Variants in LRP1B observed in about 807,000 individuals in gnomAD.
LRP1B encodes the protein low-density lipoprotein receptor-related protein 1B.
LRP1B carries 217 observed loss-of-function variants against 556.6 expected under a neutral mutation model. The observed-to-expected ratio is 0.39, with a 90% CI of 0.35 to 0.44. LRP1B has a LOEUF of 0.44. Ranked by LOEUF, LRP1B falls within the 20% of genes least tolerant of loss-of-function variation. The pLI, the probability that LRP1B is intolerant of heterozygous loss-of-function variation, is 1.00. For missense variants in LRP1B, 5,053 were observed against 5,620.8 expected (o/e 0.90, Z 3.23); for synonymous variants, 2,047 against 1,865.8 (o/e 1.10, Z -2.50).
At chr2:140,952,750 CAAA>C (rs1695756343) in intron 18 of LRP1B, among the ~76,000 whole-genome samples, 1 of 151,694 alleles carries the variant, frequency 6.6e-6, no homozygotes, top group African/African-American at 2.4e-5. Flanking sequence ...GGTGAATAGC[CAAA>C]AAAGAGGGGT....
intron 1 of LRP1B, among the ~76,000 whole-genome samples, chr2:142,036,724 A>T (rs1430471489): frequency 6.6e-6 from 1 of 151,714 alleles, no homozygotes; most frequent in African/African-American, 2.4e-5. Context: ...TAGAGCTTCT[A>T]AATCTTCACA....
chr2:140,703,925 T>C lies in LRP1B; in HGVS notation c.6024-1372A>G, dbSNP rs1042906435. On this transcript the variant is annotated intron_variant, in intron 37 of 90. Coordinates refer to ENST00000389484, the MANE Select transcript of LRP1B (RefSeq NM_018557.3). ...TACTATTGACGGGCACCTAGGTTTATGTTACGTTTTTGCAATTGTGAAAAG... is the reference window on the plus strand; with the variant it reads ...TACTATTGACGGGCACCTAGGTTTACGTTACGTTTTTGCAATTGTGAAAAG... Among the ~76,000 whole-genome samples, 10 of 152,316 alleles carry C rather than the reference T, an allele frequency of 6.6e-5. No homozygotes were observed. In the East Asian group the frequency reaches 1.9e-3, roughly 29 times the overall value.
intron 43 of LRP1B, among the ~76,000 whole-genome samples, chr2:140,562,422 A>G (rs542830203): frequency 1.3e-5 from 2 of 152,244 alleles, no homozygotes; most frequent in African/African-American, 4.8e-5. Flanking sequence ...TACAGATACA[A>G]TGTCTTACTG....
intron 41 of LRP1B, among the ~76,000 whole-genome samples, chr2:140,646,940 A>G (rs1190177170): frequency 1.3e-5 from 2 of 152,076 alleles, no homozygotes; most frequent in Non-Finnish European, 2.9e-5. Context: ...ATATAAACAT[A>G]TAGATTGAAA....
intron 4 of LRP1B, among the ~76,000 whole-genome samples, chr2:141,248,479 G>A (rs750835516): frequency 4.6e-5 from 7 of 152,152 alleles, no homozygotes; most frequent in African/African-American, 1.2e-4. Context: ...AGTGTGAAGC[G>A]TGATCTGGCT....
intron 35 of LRP1B, among the ~76,000 whole-genome samples, chr2:140,761,162 C>A (rs1056438955): frequency 2.0e-5 from 3 of 152,108 alleles, no homozygotes; most frequent in Admixed American, 6.5e-5. Flanking sequence ...TAACTGGAGG[C>A]AAAATGAGGA....
At chr2:141,273,977 A>G (rs1685186760) in intron 3 of LRP1B, among the ~76,000 whole-genome samples, 1 of 152,234 alleles carries the variant, frequency 6.6e-6, no homozygotes, top group Non-Finnish European at 1.5e-5. Flanking sequence ...AACGTCTGTA[A>G]TCATTATGCA....
At chr2:141,661,306 C>G (rs1025553010) in intron 2 of LRP1B, among the ~76,000 whole-genome samples, 2 of 152,198 alleles carry the variant, frequency 1.3e-5, no homozygotes, top group Non-Finnish European at 2.9e-5. Context: ...CCAGCAATGG[C>G]ACCGGATTGG....
At chr2:140,823,797 A>G (rs951367250) in intron 31 of LRP1B, among the ~76,000 whole-genome samples, 1 of 152,050 alleles carries the variant, frequency 6.6e-6, no homozygotes, top group Non-Finnish European at 1.5e-5. Flanking sequence ...AGACAGAAAA[A>G]AAAGTAAAAT....
chr2:140,659,846 A>C (rs1685028703), intron 41 of LRP1B, among the ~76,000 whole-genome samples: 1 of 152,084 alleles, frequency 6.6e-6, no homozygotes, highest in Non-Finnish European at 1.5e-5. Context: ...ATAAGAAATA[A>C]ATTTTTAAGA....
At position 141,482,347 on chromosome 2, in the gene LRP1B, T is replaced by G. The variant is rs192006125; in HGVS notation, c.206-1814A>C. 4.6e-5 allele frequency among the ~76,000 whole-genome samples: 7 copies of G among 152,254 alleles called. No homozygotes were observed. The East Asian group carries it at 1.2e-3, about 25-fold the overall frequency. On this transcript the variant is annotated intron_variant, in intron 2 of 90. Transcript: ENST00000389484. ...TCACTAGCTGAATTGTTTAACAGATTTCTCTGTAAATTTCATGTGTATTTA... is the reference window on the plus strand; with the variant it reads ...TCACTAGCTGAATTGTTTAACAGATGTCTCTGTAAATTTCATGTGTATTTA...
intron 2 of LRP1B, among the ~76,000 whole-genome samples, chr2:141,544,355 C>CTT (rs1225373617): frequency 1.6e-3 from 150 of 95,936 alleles, no homozygotes; most frequent in African/African-American, 1.8e-3. Context: ...TCTTCTTCTT[C>CTT]TTCTTCTTCT....
chr2:141,862,179 T>C (rs1313993866), intron 1 of LRP1B, among the ~76,000 whole-genome samples: 2 of 152,168 alleles, frequency 1.3e-5, no homozygotes, highest in Non-Finnish European at 2.9e-5. Context: ...AATATGAGAA[T>C]ACAAATTAGC....
chr2:140,267,992 G>A (rs1461903218), intron 86 of LRP1B, among the ~76,000 whole-genome samples: 2 of 151,764 alleles, frequency 1.3e-5, no homozygotes, highest in East Asian at 3.9e-4. Flanking sequence ...TTTTTATTCT[G>A]GTAATACAGG....
At chr2:140,305,422 T>C (rs1684023674) in intron 83 of LRP1B, among the ~76,000 whole-genome samples, 1 of 152,200 alleles carries the variant, frequency 6.6e-6, no homozygotes, top group Non-Finnish European at 1.5e-5. Flanking sequence ...GAAGCAATTG[T>C]GAATGGGAGT....
At chr2:141,966,728 G>A (rs186470233) in intron 1 of LRP1B, among the ~76,000 whole-genome samples, 11 of 151,638 alleles carry the variant, frequency 7.3e-5, no homozygotes, top group African/African-American at 2.7e-4. Context: ...GAAGGCCCTG[G>A]AATCTACCTG....
chr2:141,801,031 A>G (rs895511717), intron 2 of LRP1B, among the ~76,000 whole-genome samples: 3 of 152,186 alleles, frequency 2.0e-5, no homozygotes, highest in African/African-American at 7.2e-5. Context: ...GCAAAATGTA[A>G]CAAAATTCTG....
In LRP1B at chr2:141,188,425, C is replaced by T. The variant is rs1181927747; in HGVS notation, c.1009G>A (p.Ala337Thr). ...ACACTATAAAGAATTTCTTACCCTG[C>T]TATTGGATCTACTGCTATTGCTTTA... is the stretch of plus-strand genomic sequence containing the variant. Reference protein sequence around the residue: ...NPKAIAVDPIAGKLFFTDYGN... With the variant: ...NPKAIAVDPITGKLFFTDYGN... Residue 337 changes from alanine (A) to threonine (T), a missense_variant, in exon 7 of 91, where the codon GCA (alanine) becomes ACA (threonine). By Grantham distance (58) the Ala-to-Thr change is moderately conservative. Around this residue, in one of 5 missense-constraint regions of LRP1B, gnomAD observed 3,619 missense variants for 3,931.9 expected, o/e 0.92. Transcript: ENST00000389484. 3 of 1,611,032 alleles carry T rather than the reference C, an allele frequency of 1.9e-6. No homozygotes were observed. The highest frequency in any genetic ancestry group is 2.2e-5 in the East Asian group (1 of 44,736).
chr2:141,985,506 T>C (rs2105103625), intron 1 of LRP1B, among the ~76,000 whole-genome samples: 1 of 144,658 alleles, frequency 6.9e-6, no homozygotes, highest in South Asian at 2.3e-4. Context: ...GACGAGAATT[T>C]TTATTTTTTT....
Sources: allele counts gnomAD v4.1 joint callset (sites outside exome capture counted in the v4.1 genomes callset), GRCh38; gene constraint gnomAD v4.1.1; regional missense constraint gnomAD v4.1.1; transcripts MANE v1.5; gene names NCBI Gene and HGNC (gene_info 2026-07-23, HGNC 2026-07-21).